FAM156A: variants seen among roughly 807,000 people sequenced by gnomAD.
The protein encoded by FAM156A is family with sequence similarity 156 member A, also known as protein FAM156A/FAM156B.
chrX:52,991,183 A>G (rs1435581828), intron 1 of FAM156A, among the ~76,000 whole-genome samples: 5 of 111,535 alleles, frequency 4.5e-5, no homozygotes, highest in African/African-American at 1.6e-4. Flanking sequence ...GGGGCTGAGA[A>G]GTCCTGCCAT....
At chrX:52,985,651 C>T (rs1343185713) in intron 1 of FAM156A, among the ~76,000 whole-genome samples, 1 of 111,397 alleles carries the variant, frequency 9.0e-6, no homozygotes, top group Non-Finnish European at 1.9e-5. Flanking sequence ...AGAGACCCCA[C>T]AAAAATGAAA....
intron 1 of FAM156A, among the ~76,000 whole-genome samples, chrX:52,992,789 C>T (rs1049488918): frequency 9.0e-6 from 1 of 111,547 alleles, no homozygotes; most frequent in South Asian, 3.8e-4. Context: ...TTCTGCCTCT[C>T]TCTTCCATCC....
intron 1 of FAM156A, among the ~76,000 whole-genome samples, chrX:52,985,704 T>C (rs1344365128): frequency 9.0e-6 from 1 of 111,175 alleles, no homozygotes; most frequent in African/African-American, 3.3e-5. Flanking sequence ...CACAAATATA[T>C]GAATGCATAT....
chrX:52,981,200 C>G (rs1389900986), intron 1 of FAM156A, among the ~76,000 whole-genome samples: 1 of 111,066 alleles, frequency 9.0e-6, no homozygotes. Context: ...ATCAAGTTTA[C>G]CATCACAGCC....
chrX:52,994,365 C>T (rs782801680), intron 1 of FAM156A, among the ~76,000 whole-genome samples: 1 of 110,417 alleles, frequency 9.1e-6, no homozygotes, highest in African/African-American at 3.3e-5. Flanking sequence ...AGAGACCCCC[C>T]CCAAACCACT....
intron 1 of FAM156A, among the ~76,000 whole-genome samples, chrX:52,988,386 TA>T (rs57979901): frequency 0.17 from 18,789 of 110,743 alleles, 1,235 homozygotes; most frequent in Middle Eastern, 0.23. Flanking sequence ...AGTATAGTGA[TA>T]AGAGAACAGA....
intron 1 of FAM156A, among the ~76,000 whole-genome samples, chrX:52,989,435 C>T (rs782344179): frequency 9.8e-5 from 11 of 112,200 alleles, no homozygotes; most frequent in Admixed American, 1.9e-4. Context: ...GCTTTATTAA[C>T]GCCTCAGCTC....
rs61081750 is a variant in FAM156A, at chrX:52,975,051, TACACAC to T, written c.-433-10822_-433-10817del. ...GCGCCCTCCCTCTCTGTTAAACACA[TACACAC>T]ACACACACACACACACACACACACA... On this transcript the variant is annotated intron_variant, in intron 1 of 4. Coordinates refer to the FAM156A transcript ENST00000610625. Among the ~76,000 whole-genome samples the T allele has an allele frequency of 2.0e-3, 171 of 83,669 alleles. 1 individual carries two copies. The highest frequency in any genetic ancestry group is 2.9e-3 in the East Asian group (7 of 2,386). 72.7% of individuals were successfully genotyped at this position (83,669 alleles called of 115,157 possible). A position where few individuals can be genotyped will look rare whatever the true frequency, so the allele number is the denominator to read the frequency against.
intron 1 of FAM156A, among the ~76,000 whole-genome samples, chrX:52,973,261 T>C (rs1929173344): frequency 9.4e-6 from 1 of 105,961 alleles, no homozygotes; most frequent in East Asian, 2.9e-4. Flanking sequence ...TTATAGCTGC[T>C]GCAAAAAAAA....
At chrX:52,980,376 G>GTAGT (rs1167695235) in intron 1 of FAM156A, among the ~76,000 whole-genome samples, 1 of 111,873 alleles carries the variant, frequency 8.9e-6, no homozygotes, top group African/African-American at 3.3e-5. Flanking sequence ...GGAGATGTTG[G>GTAGT]TAGTGTGATC....
intron 1 of FAM156A, among the ~76,000 whole-genome samples, chrX:52,992,520 C>T (rs1233647909): frequency 5.4e-5 from 6 of 110,881 alleles, no homozygotes; most frequent in African/African-American, 2.0e-4. Context: ...ACCAGCAGGC[C>T]AGGGCACTGC....
chrX:52,987,370 T>A lies in FAM156A; in HGVS notation c.-434+7936A>T, dbSNP rs782716509. 1.5e-4 allele frequency among the ~76,000 whole-genome samples: 17 copies of A among 111,999 alleles called. No homozygotes were observed. The South Asian group carries it at 6.3e-3, about 42-fold the overall frequency. On this transcript the variant is annotated intron_variant, in intron 1 of 4. Coordinates refer to the FAM156A transcript ENST00000610625. ...GGGAAAGGAGCTACAACAGTCAAAA[T>A]GACTTTGAACTTTGGGAAGCCGAGG...
At chrX:52,986,363 TTAAGAA>T in intron 1 of FAM156A, among the ~76,000 whole-genome samples, 1 of 109,983 alleles carries the variant, frequency 9.1e-6, no homozygotes, top group South Asian at 3.8e-4. Flanking sequence ...AAAGACAGCA[TTAAGAA>T]AAAACCAACT....
chrX:52,982,181 TG>T (rs1287798559), intron 1 of FAM156A, among the ~76,000 whole-genome samples: 3 of 111,857 alleles, frequency 2.7e-5, no homozygotes, highest in Non-Finnish European at 5.6e-5. Context: ...AGGCTGGGCG[TG>T]GTGGCTCATG....
chrX:52,986,331 T>C (rs1930288829), intron 1 of FAM156A, among the ~76,000 whole-genome samples: 1 of 110,435 alleles, frequency 9.1e-6, no homozygotes, highest in African/African-American at 3.3e-5. Context: ...AGATCAGCAT[T>C]ACACTGACAC....
chrX:52,989,375 G>A (rs1349969124), intron 1 of FAM156A, among the ~76,000 whole-genome samples: 1 of 112,324 alleles, frequency 8.9e-6, no homozygotes, highest in Non-Finnish European at 1.9e-5. Flanking sequence ...GGCCGCATCT[G>A]TCCTTCCCCA....
chrX:52,980,928 C>T (rs1311376984), intron 1 of FAM156A, among the ~76,000 whole-genome samples: 5 of 102,825 alleles, frequency 4.9e-5, no homozygotes, highest in Non-Finnish European at 9.8e-5. Context: ...GGCTGGAGAC[C>T]CAGGGAAGAG....
intron 1 of FAM156A, among the ~76,000 whole-genome samples, chrX:52,987,276 T>C (rs1158438048): frequency 8.9e-6 from 1 of 112,231 alleles, no homozygotes; most frequent in Non-Finnish European, 1.9e-5. Flanking sequence ...ACAGATTTCA[T>C]GCAATTCCAA....
chrX:52,988,137 A>C (rs1456293686), intron 1 of FAM156A, among the ~76,000 whole-genome samples: 1 of 109,211 alleles, frequency 9.2e-6, no homozygotes, highest in African/African-American at 3.3e-5. Context: ...GCTACTCAGG[A>C]GGCTGAGGCA....
Sources: allele counts gnomAD v4.1 joint callset (sites outside exome capture counted in the v4.1 genomes callset), GRCh38; gene constraint gnomAD v4.1.1; transcripts MANE v1.5; gene names NCBI Gene and HGNC (gene_info 2026-07-23, HGNC 2026-07-21).